The following XXYLT1 variants were observed in gnomAD, a reference collection of about 807,000 sequenced individuals.
XXYLT1 encodes UDP-xylose:alpha-xyloside alpha-1,3-xylosyltransferase.
A neutral mutation model predicts 28.9 loss-of-function variants in XXYLT1; 20 were observed. That is an observed-to-expected ratio of 0.69 (90% CI 0.49 to 1.00). The LOEUF is 1.00. XXYLT1 is among the 50% of genes least tolerant of loss of function. The pLI is 0.00. For missense variants in XXYLT1, 542 were observed against 560.1 expected, an observed-to-expected ratio of 0.97 and a Z score of 0.33; for synonymous variants, 257 against 253.8, an observed-to-expected ratio of 1.01 and a Z score of -0.12.
intron 3 of XXYLT1, among the ~76,000 whole-genome samples, chr3:195,125,912 C>T (rs1239286542): frequency 6.6e-6 from 1 of 152,184 alleles, no homozygotes; most frequent in Non-Finnish European, 1.5e-5. Flanking sequence ...CTGCCCTCAA[C>T]AGGGAAGGTG....
At chr3:195,130,547 T>G (rs532668241) in intron 3 of XXYLT1, among the ~76,000 whole-genome samples, 1 of 152,258 alleles carries the variant, frequency 6.6e-6, no homozygotes, top group East Asian at 1.9e-4. Flanking sequence ...TACTTACGGG[T>G]GAAGTGTAGA....
In XXYLT1 at chr3:195,104,198, C is replaced by CGTGTGT. The variant is rs59361512; in HGVS notation, c.786-34093_786-34088dup. Among the ~76,000 whole-genome samples, 939 of 142,052 alleles carry CGTGTGT rather than the reference C, an allele frequency of 6.6e-3. 5 individuals are homozygous for CGTGTGT. Among genetic ancestry groups the CGTGTGT allele is most frequent in the African/African-American group, 0.014 (519 of 37,012 alleles). The allele number at this position is 142,052 out of a possible 152,430, so 93.2% of individuals were successfully genotyped here. A position where few individuals can be genotyped will look rare whatever the true frequency, so the allele number is the denominator to read the frequency against. On this transcript the variant is annotated intron_variant, in intron 3 of 3. Transcript: ENST00000310380. The stretch of plus-strand genomic sequence containing the variant: ...ACGGTGATGACGGTGATGAGGGCTC[C>CGTGTGT]GTGTGTGTGTGTGTGTGTGTGTGTG...
intron 3 of XXYLT1, among the ~76,000 whole-genome samples, chr3:195,118,501 G>A (rs1415555254): frequency 1.3e-5 from 2 of 152,268 alleles, no homozygotes; most frequent in Non-Finnish European, 2.9e-5. Context: ...GACGCCAGGT[G>A]TGGACATGGC....
rs183432615 is a variant in XXYLT1, at chr3:195,202,393, A to G, written c.652+24316T>C. 9.3e-5 allele frequency among the ~76,000 whole-genome samples: 13 copies of G among 139,368 alleles called. No homozygotes were observed. In the East Asian group the frequency reaches 2.4e-3, roughly 26 times the overall value. The allele number at this position is 139,368 out of a possible 152,430, so 91.4% of individuals were successfully genotyped here. A position where few individuals can be genotyped will look rare whatever the true frequency, so the allele number is the denominator to read the frequency against. On this transcript the variant is annotated intron_variant, in intron 2 of 3. Transcript: ENST00000310380. Reference sequence around the variant, plus strand: ...CAATATTATCTTAAAGAGACCAACTAGGTCCCTGGCCAAAAAAAAAAAAAA... The same window carrying G: ...CAATATTATCTTAAAGAGACCAACTGGGTCCCTGGCCAAAAAAAAAAAAAA...
At chr3:195,229,604 T>C (rs1023154566) in intron 1 of XXYLT1, among the ~76,000 whole-genome samples, 2 of 152,256 alleles carry the variant, frequency 1.3e-5, no homozygotes, top group African/African-American at 4.8e-5. Flanking sequence ...GTTTAACTGT[T>C]TTAATTTCTA....
At chr3:195,198,456 C>T (rs1205309461) in intron 2 of XXYLT1, among the ~76,000 whole-genome samples, 2 of 152,204 alleles carry the variant, frequency 1.3e-5, no homozygotes, top group South Asian at 2.1e-4. Context: ...GTAAGAAAAG[C>T]CTCTTGGGTA....
intron 3 of XXYLT1, among the ~76,000 whole-genome samples, chr3:195,107,318 A>G (rs1717156010): frequency 6.6e-6 from 1 of 151,248 alleles, no homozygotes; most frequent in Non-Finnish European, 1.5e-5. Flanking sequence ...TACTAAAAAT[A>G]CAAAAATTAG....
chr3:195,164,294 T>G (rs752083391), intron 2 of XXYLT1, among the ~76,000 whole-genome samples: 32 of 152,184 alleles, frequency 2.1e-4, no homozygotes, highest in Non-Finnish European at 4.3e-4. Flanking sequence ...CTTTCCCTGT[T>G]CATGGAGCCT....
At position 195,134,051 on chromosome 3, in the gene XXYLT1, A is replaced by AAGAC. The variant is rs1027850024; in HGVS notation, c.785+22394_785+22397dup. On this transcript the variant is annotated intron_variant, in intron 3 of 3. Transcript: ENST00000310380. Reference sequence around the variant, plus strand: ...ATATAGTGAGACCCCTGCCAAGTAAAAGACAGACAGACAGACAGAAAGAAA... The same window carrying AAGAC: ...ATATAGTGAGACCCCTGCCAAGTAAAAGACAGACAGACAGACAGACAGAAAGAAA... 4.0e-4 allele frequency among the ~76,000 whole-genome samples: 61 copies of AAGAC among 152,254 alleles called. 1 individual carries two copies. Among genetic ancestry groups the AAGAC allele is most frequent in the African/African-American group, 1.3e-3 (52 of 41,548 alleles).
intron 2 of XXYLT1, among the ~76,000 whole-genome samples, chr3:195,191,795 C>G (rs1722432376): frequency 6.6e-6 from 1 of 152,068 alleles, no homozygotes; most frequent in African/African-American, 2.4e-5. Context: ...ATAAAAGGGC[C>G]AATACATCAA....
In XXYLT1 at chr3:195,236,760, T is replaced by C. The variant is rs1463585584; in HGVS notation, c.505-9904A>G. 2.6e-5 allele frequency among the ~76,000 whole-genome samples: 4 copies of C among 152,110 alleles called. No homozygotes were observed. In the East Asian group the frequency reaches 7.7e-4, roughly 29 times the overall value. On this transcript the variant is annotated intron_variant, in intron 1 of 3. Transcript: ENST00000310380. ...CCCAAGGCCCATGGTATGTACTACC[T>C]GGTTACCACTGCTGATTATTCAGGG...
At position 195,207,163 on chromosome 3, in the gene XXYLT1, G is replaced by A. The variant is rs185889939; in HGVS notation, c.652+19546C>T. On this transcript the variant is annotated intron_variant, in intron 2 of 3. Transcript: ENST00000310380. The stretch of plus-strand genomic sequence containing the variant: ...CGGGCAGACTGTGGGATGGCTCGCG[G>A]GTCTGAGGAGCGCCTGGGGCATCGG... 4.9e-3 allele frequency among the ~76,000 whole-genome samples: 743 copies of A among 152,306 alleles called. 2 individuals carry two copies. The highest frequency in any genetic ancestry group is 0.017 in the African/African-American group (707 of 41,574).
In XXYLT1 at chr3:195,173,101, G is replaced by A. The variant is rs985335446; in HGVS notation, c.653-16520C>T. Among the ~76,000 whole-genome samples the A allele has an allele frequency of 1.2e-4, 19 of 152,274 alleles. No individual in the cohort carries two copies. Among genetic ancestry groups the A allele is most frequent in the African/African-American group, 4.3e-4 (18 of 41,538 alleles). On this transcript the variant is annotated intron_variant, in intron 2 of 3. Transcript: ENST00000310380. The surrounding 1 kb of genome is among the most constrained non-coding windows in gnomAD (Gnocchi z 4.3). Reference sequence around the variant, plus strand: ...TCCATGCCTCTACCCTGATCCTGGCGTCCTGGTACACATCTTGCAAGTCCA... The same window carrying A: ...TCCATGCCTCTACCCTGATCCTGGCATCCTGGTACACATCTTGCAAGTCCA...
chr3:195,144,913 T>C (rs1577075127), intron 3 of XXYLT1, among the ~76,000 whole-genome samples: 1 of 152,100 alleles, frequency 6.6e-6, no homozygotes, highest in South Asian at 2.1e-4. Flanking sequence ...GCAGAAGAAA[T>C]AGGGGTGCCT....
chr3:195,167,920 C>A (rs1255654552), intron 2 of XXYLT1, among the ~76,000 whole-genome samples: 1 of 152,204 alleles, frequency 6.6e-6, no homozygotes, highest in East Asian at 1.9e-4. Flanking sequence ...AGAAAAATCT[C>A]CAGGATACGG....
At chr3:195,247,504 G>A (rs1357520656) in intron 1 of XXYLT1, among the ~76,000 whole-genome samples, 4 of 152,204 alleles carry the variant, frequency 2.6e-5, no homozygotes, top group Non-Finnish European at 4.4e-5. Context: ...CCTCACCCTC[G>A]TGCACAGCTT....
At chr3:195,134,124 A>T (rs1719044320) in intron 3 of XXYLT1, among the ~76,000 whole-genome samples, 1 of 152,214 alleles carries the variant, frequency 6.6e-6, no homozygotes, top group African/African-American at 2.4e-5. Flanking sequence ...TTTTAAGCTG[A>T]GTGTTATTAC....
rs1718024051 is a variant in XXYLT1 at position 195,116,000 on chromosome 3, G to C, written c.785+40449C>G. On this transcript the variant is annotated intron_variant, in intron 3 of 3. Coordinates refer to ENST00000310380, the MANE Select transcript of XXYLT1 (RefSeq NM_152531.5). This position sits in a 1 kb window ranked among gnomAD's most constrained non-coding sequence, Gnocchi z 4.2. ...GCATGCACTATTTGCCACAAACGGA[G>C]TCGGGCTATCTAAAACAGGTTGTTT... 6.6e-6 allele frequency among the ~76,000 whole-genome samples: 1 copy of C among 152,192 alleles called. No individual in the cohort carries two copies. The highest frequency in any genetic ancestry group is 6.5e-5 in the Admixed American group (1 of 15,276).
chr3:195,120,303 C>CCCCT (rs1560106289), intron 3 of XXYLT1, among the ~76,000 whole-genome samples: 1 of 142,160 alleles, frequency 7.0e-6, no homozygotes, highest in Non-Finnish European at 1.5e-5. Context: ...GCCCCAGCCC[C>CCCCT]CATGGCCACA....
Sources: gnomAD v4.1 joint callset for allele counts (sites outside exome capture counted in the v4.1 genomes callset) on GRCh38, gnomAD v4.1.1 for gene constraint, Gnocchi (gnomAD v3.1) non-coding constraint, MANE v1.5 for transcripts, NCBI Gene and HGNC (gene_info 2026-07-23, HGNC 2026-07-21) for gene names.